The following NPAS3 variants were observed in gnomAD, a reference collection of about 807,000 sequenced individuals.
NPAS3 encodes the protein neuronal PAS domain protein 3.
In NPAS3, 14 loss-of-function variants were observed where a neutral mutation model predicts 73.1. The ratio of observed to expected loss-of-function variants is 0.19; its 90% CI spans 0.13 to 0.30. NPAS3 has a LOEUF of 0.30. NPAS3 is among the 10% of genes least tolerant of loss of function. The probability of loss-of-function intolerance (pLI) is 1.00; values close to 1 mark genes in which losing one functional copy is unlikely to be tolerated. For synonymous variants in NPAS3, 620 were observed against 541.5 expected (o/e 1.14, Z -2.01); for missense variants, 1,096 against 1,250.0 (o/e 0.88, Z 1.86).
chr14:33,214,713 C>T (rs2047157321), intron 2 of NPAS3: 1 of 155,236 alleles, frequency 6.4e-6, no homozygotes, highest in African/African-American at 2.4e-5. Context: ...ACCTTCTGCT[C>T]CCCAAGATTA....
At chr14:33,387,309 G>C (rs976433507) in intron 4 of NPAS3, among the ~76,000 whole-genome samples, 1 of 152,078 alleles carries the variant, frequency 6.6e-6, no homozygotes. Context: ...TTGGATGTTG[G>C]GGTGGCACTG....
intron 2 of NPAS3, among the ~76,000 whole-genome samples, chr14:33,058,540 T>C (rs557450624): frequency 6.6e-6 from 1 of 152,330 alleles, no homozygotes; most frequent in South Asian, 2.1e-4. Flanking sequence ...AATGAGCTTA[T>C]AGTCTATTAC....
intron 1 of NPAS3, among the ~76,000 whole-genome samples, chr14:33,022,930 G>A (rs1355350196): frequency 3.3e-5 from 5 of 151,982 alleles, no homozygotes; most frequent in Admixed American, 6.6e-5. Context: ...TGAGGCATGT[G>A]ACTTTGCCTT....
intron 5 of NPAS3, among the ~76,000 whole-genome samples, chr14:33,643,101 A>G (rs968235995): frequency 5.3e-5 from 8 of 152,252 alleles, no homozygotes; most frequent in East Asian, 3.9e-4. Flanking sequence ...TCACTTTTCA[A>G]TGCAGCCCTC....
At chr14:33,413,247 T>G (rs2048006718) in intron 4 of NPAS3, among the ~76,000 whole-genome samples, 1 of 151,914 alleles carries the variant, frequency 6.6e-6, no homozygotes, top group Admixed American at 6.6e-5. Flanking sequence ...TTTTTGTTCC[T>G]CTTTTTTTTT....
At chr14:33,671,002 A>G (rs2140314202) in intron 5 of NPAS3, among the ~76,000 whole-genome samples, 1 of 151,748 alleles carries the variant, frequency 6.6e-6, no homozygotes, top group South Asian at 2.1e-4. Flanking sequence ...CTTTCTATTG[A>G]TAAAAATCAA....
intron 3 of NPAS3, among the ~76,000 whole-genome samples, chr14:33,264,106 G>A (rs866800173): frequency 6.6e-6 from 1 of 152,120 alleles, no homozygotes; most frequent in Non-Finnish European, 1.5e-5. Flanking sequence ...AAAATGATGA[G>A]TTCATATCCT....
intron 2 of NPAS3, among the ~76,000 whole-genome samples, chr14:33,112,084 G>C (rs1421619882): frequency 5.3e-5 from 8 of 152,224 alleles, no homozygotes; most frequent in East Asian, 3.9e-4. Flanking sequence ...GGACATTTGG[G>C]TTGGATCCAA....
At chr14:33,551,651 G>C (rs767185907) in intron 4 of NPAS3, among the ~76,000 whole-genome samples, 3 of 152,194 alleles carry the variant, frequency 2.0e-5, no homozygotes, top group Admixed American at 1.3e-4. Flanking sequence ...GACAGGAAAT[G>C]GGGTCAGTGT....
intron 4 of NPAS3, among the ~76,000 whole-genome samples, chr14:33,519,389 T>C (rs1204254459): frequency 6.6e-6 from 1 of 152,106 alleles, no homozygotes; most frequent in Non-Finnish European, 1.5e-5. Flanking sequence ...TATGCTCTCA[T>C]TACACTCAAA....
At chr14:33,464,533 G>C (rs1305119634) in intron 4 of NPAS3, among the ~76,000 whole-genome samples, 1 of 152,138 alleles carries the variant, frequency 6.6e-6, no homozygotes. Context: ...AGTTTTTTGA[G>C]AGATCGACCC....
At chr14:33,135,116 G>A (rs1398792756) in intron 2 of NPAS3, among the ~76,000 whole-genome samples, 1 of 152,188 alleles carries the variant, frequency 6.6e-6, no homozygotes, top group Non-Finnish European at 1.5e-5. Context: ...CCTGTCTATT[G>A]TGAAAGTCTG....
intron 3 of NPAS3, among the ~76,000 whole-genome samples, chr14:33,225,935 G>A (rs904325357): frequency 6.6e-6 from 1 of 152,070 alleles, no homozygotes; most frequent in Non-Finnish European, 1.5e-5. Flanking sequence ...CCAGAAATAT[G>A]TTTTTTAAAA....
intron 4 of NPAS3, among the ~76,000 whole-genome samples, chr14:33,413,126 T>C (rs1328930665): frequency 6.6e-6 from 1 of 152,192 alleles, no homozygotes; most frequent in Non-Finnish European, 1.5e-5. Context: ...GGTCAATTTA[T>C]CTCTAGCCTA....
intron 9 of NPAS3, among the ~76,000 whole-genome samples, chr14:33,784,737 A>ATTCTTTTTTTTT (rs2063095625): frequency 1.2e-5 from 1 of 80,160 alleles, no homozygotes; most frequent in African/African-American, 6.6e-5. Flanking sequence ...TTATTTATTT[A>ATTCTTTTTTTTT]TTTATTTATT....
At chr14:33,728,079 C>T (rs947541237) in intron 6 of NPAS3, among the ~76,000 whole-genome samples, 2 of 152,102 alleles carry the variant, frequency 1.3e-5, no homozygotes, top group African/African-American at 4.8e-5. Flanking sequence ...TGTATATTTC[C>T]CCAGAGTGGT....
At chr14:33,093,118 T>C (rs2042285095) in intron 2 of NPAS3, among the ~76,000 whole-genome samples, 1 of 152,004 alleles carries the variant, frequency 6.6e-6, no homozygotes, top group African/African-American at 2.4e-5. Flanking sequence ...AATTGACAAA[T>C]GGGATCTAAT....
chr14:33,194,206 T>C (rs1041388150), intron 2 of NPAS3, among the ~76,000 whole-genome samples: 2 of 152,232 alleles, frequency 1.3e-5, no homozygotes, highest in Admixed American at 6.5e-5. Flanking sequence ...TAACCAGACA[T>C]ATGATTGTAT....
chr14:33,680,689 C>T (rs1287876486), intron 6 of NPAS3: 1 of 700,912 alleles, frequency 1.4e-6, no homozygotes, highest in South Asian at 1.5e-5. Flanking sequence ...TCAGAGAGAA[C>T]TCAGCCAGGG....
Sources: gnomAD v4.1 joint callset for allele counts (sites outside exome capture counted in the v4.1 genomes callset) on GRCh38, gnomAD v4.1.1 for gene constraint, MANE v1.5 for transcripts, NCBI Gene and HGNC (gene_info 2026-07-23, HGNC 2026-07-21) for gene names.